Variants in COX7B2 observed in about 807,000 individuals in gnomAD.
The protein encoded by COX7B2 is cytochrome c oxidase subunit 7B2, also known as cytochrome c oxidase subunit 7B2, mitochondrial.
For missense variants in COX7B2, 109 were observed against 95.9 expected (o/e 1.14, Z -0.57); for synonymous variants, 37 against 32.1 (o/e 1.15, Z -0.51).
At chr4:46,830,608 T>G (rs1715015593) in intron 2 of COX7B2, among the ~76,000 whole-genome samples, 1 of 152,160 alleles carries the variant, frequency 6.6e-6, no homozygotes, top group African/African-American at 2.4e-5. Flanking sequence ...TAACAGGAAG[T>G]GTTCACAGAG....
At chr4:46,849,572 G>A (rs990936043) in intron 1 of COX7B2, among the ~76,000 whole-genome samples, 1 of 152,038 alleles carries the variant, frequency 6.6e-6, no homozygotes, top group Admixed American at 6.6e-5. Flanking sequence ...AATGGAAATA[G>A]AGACTTAGAG....
chr4:46,839,371 T>C (rs1715766808), intron 2 of COX7B2, among the ~76,000 whole-genome samples: 1 of 152,026 alleles, frequency 6.6e-6, no homozygotes, highest in Non-Finnish European at 1.5e-5. Context: ...CTTGGTAACT[T>C]CCTGTGTCAT....
chr4:46,820,843 A>G (rs1560401948), intron 2 of COX7B2, among the ~76,000 whole-genome samples: 2 of 148,458 alleles, frequency 1.3e-5, no homozygotes, highest in South Asian at 2.1e-4. Context: ...AAATATATAT[A>G]TATATATATA....
chr4:46,875,165 TTC>T (rs1436858968), intron 1 of COX7B2, among the ~76,000 whole-genome samples: 1 of 152,228 alleles, frequency 6.6e-6, no homozygotes, highest in African/African-American at 2.4e-5. Context: ...TTTGTAATTT[TTC>T]TGTTTTGCTT....
At chr4:46,797,281 T>C (rs565730803) in intron 2 of COX7B2, among the ~76,000 whole-genome samples, 9 of 152,168 alleles carry the variant, frequency 5.9e-5, no homozygotes, top group Admixed American at 1.3e-4. Flanking sequence ...TGGGAACTAC[T>C]GGACCCTGGC....
intron 2 of COX7B2, among the ~76,000 whole-genome samples, chr4:46,760,704 A>G (rs763030567): frequency 6.6e-6 from 1 of 152,242 alleles, no homozygotes; most frequent in East Asian, 1.9e-4. Flanking sequence ...ACTTATAGTT[A>G]AAAAAGGAAT....
rs527917430 is a variant in COX7B2 at position 46,874,091 on chromosome 4, T to C, written c.-104-29077A>G. Among the ~76,000 whole-genome samples the C allele has an allele frequency of 1.6e-4, 24 of 152,304 alleles. No individual in the cohort carries two copies. The South Asian group carries it at 5.0e-3, about 32-fold the overall frequency. Reference sequence around the variant, plus strand: ...GCAGATTATAATTCTCTTTGTATCTTGAGTTTGGGAACTTGGCATATCCAT... The same window carrying C: ...GCAGATTATAATTCTCTTTGTATCTCGAGTTTGGGAACTTGGCATATCCAT... On this transcript the variant is annotated intron_variant, in intron 1 of 2. Coordinates refer to ENST00000355591, the MANE Select transcript of COX7B2 (RefSeq NM_130902.3).
At chr4:46,831,002 G>GCCAGAGCCGGCTCC (rs1459621382) in intron 2 of COX7B2, among the ~76,000 whole-genome samples, 2 of 152,190 alleles carry the variant, frequency 1.3e-5, no homozygotes, top group Non-Finnish European at 2.9e-5. Flanking sequence ...GATGGCTGAG[G>GCCAGAGCCGGCTCC]CCAGAGCCGG....
chr4:46,904,830 G>T (rs767085144), intron 1 of COX7B2, among the ~76,000 whole-genome samples: 1 of 152,214 alleles, frequency 6.6e-6, no homozygotes, highest in Non-Finnish European at 1.5e-5. Context: ...AGAGCAGAGT[G>T]TGTGAAGTTT....
At chr4:46,904,934 T>G (rs894083405) in intron 1 of COX7B2, among the ~76,000 whole-genome samples, 27 of 152,314 alleles carry the variant, frequency 1.8e-4, no homozygotes, top group African/African-American at 6.5e-4. Context: ...GTATGCATAG[T>G]ATGGTAGAAC....
intron 2 of COX7B2, among the ~76,000 whole-genome samples, chr4:46,748,425 C>A (rs1479442707): frequency 2.0e-5 from 3 of 152,144 alleles, no homozygotes; most frequent in African/African-American, 7.2e-5. Context: ...GAACTGTACA[C>A]AGCATGAGAA....
At chr4:46,818,647 A>AAAAG (rs1714027651) in intron 2 of COX7B2, among the ~76,000 whole-genome samples, 2 of 152,056 alleles carry the variant, frequency 1.3e-5, no homozygotes, top group South Asian at 4.1e-4. Context: ...AAAAAAAAAA[A>AAAAG]AAAGAAAGAA....
chr4:46,765,553 T>C (rs1716482042), intron 2 of COX7B2, among the ~76,000 whole-genome samples: 1 of 152,132 alleles, frequency 6.6e-6, no homozygotes, highest in Non-Finnish European at 1.5e-5. Context: ...GGCAAGTCAC[T>C]GCAAACTGAA....
At chr4:46,752,568 C>T (rs1270651576) in intron 2 of COX7B2, among the ~76,000 whole-genome samples, 3 of 152,058 alleles carry the variant, frequency 2.0e-5, no homozygotes, top group Non-Finnish European at 4.4e-5. Flanking sequence ...TCATAAATAG[C>T]TCTTATTATT....
chr4:46,779,138 C>T (rs1017007298), intron 2 of COX7B2, among the ~76,000 whole-genome samples: 3 of 152,164 alleles, frequency 2.0e-5, no homozygotes, highest in Non-Finnish European at 4.4e-5. Context: ...TTAAATATTA[C>T]ATGCTGAAGA....
chr4:46,754,897 A>AT (rs1337580337), intron 2 of COX7B2, among the ~76,000 whole-genome samples: 8 of 150,602 alleles, frequency 5.3e-5, no homozygotes, highest in Non-Finnish European at 1.0e-4. Flanking sequence ...TACTGAAGCT[A>AT]TTTTTTTTAA....
chr4:46,865,864 C>T lies in COX7B2; in HGVS notation c.-104-20850G>A, dbSNP rs549356170. ...ATCTCACGACCATGTCTCTGGACCT[C>T]GTAATTAACCACCATGATCCCTTAG... On this transcript the variant is annotated intron_variant, in intron 1 of 2. Transcript: ENST00000355591. 2.8e-4 allele frequency among the ~76,000 whole-genome samples: 42 copies of T among 152,260 alleles called. 1 individual carries two copies. Among genetic ancestry groups the T allele is most frequent in the African/African-American group, 8.7e-4 (36 of 41,576 alleles).
intron 1 of COX7B2, among the ~76,000 whole-genome samples, chr4:46,847,281 CAT>C (rs553931152): frequency 1.7e-4 from 26 of 152,164 alleles, no homozygotes; most frequent in East Asian, 3.9e-4. Context: ...AAGCAAGCAT[CAT>C]GTGGGGGAAA....
chr4:46,767,037 G>C (rs1716582513), intron 2 of COX7B2, among the ~76,000 whole-genome samples: 1 of 152,120 alleles, frequency 6.6e-6, no homozygotes, highest in African/African-American at 2.4e-5. Context: ...ACTGTAAATA[G>C]ATTAAATACT....
Sources: allele counts gnomAD v4.1 joint callset (sites outside exome capture counted in the v4.1 genomes callset), GRCh38; gene constraint gnomAD v4.1.1; transcripts MANE v1.5; gene names NCBI Gene and HGNC (gene_info 2026-07-23, HGNC 2026-07-21).